The following AMN1 variants were observed in gnomAD, a reference collection of about 807,000 sequenced individuals.
AMN1 encodes the protein protein AMN1 homolog.
A neutral mutation model predicts 33.0 loss-of-function variants in AMN1; 20 were observed. That is an observed-to-expected ratio of 0.61 (90% CI 0.43 to 0.88). The LOEUF is 0.88. Among genes scored for constraint, AMN1 ranks in the 40% least tolerant of loss-of-function variants. The pLI, the probability that AMN1 is intolerant of heterozygous loss-of-function variation, is 0.00. For missense variants in AMN1, 246 were observed against 307.4 expected, an observed-to-expected ratio of 0.80 and a Z score of 1.49; for synonymous variants, 114 against 111.9, an observed-to-expected ratio of 1.02 and a Z score of -0.12.
intron 2 of AMN1, 117 bp downstream of exon 2, chr12:31,709,173 TAAA>T (rs371429545): frequency 6.4e-6 from 6 of 931,294 alleles, no homozygotes; most frequent in South Asian, 1.7e-5. Context: ...TGACCCTGTA[TAAA>T]AAAAAAAAAA....
intron 1 of AMN1, among the ~76,000 whole-genome samples, chr12:31,717,809 C>A (rs1398018946): frequency 6.6e-6 from 1 of 151,950 alleles, no homozygotes; most frequent in African/African-American, 2.4e-5. Flanking sequence ...CCCTATCAAC[C>A]TGTCATCTAG....
intron 3 of AMN1, 136 bp downstream of exon 3, chr12:31,701,727 T>C: frequency 1.3e-6 from 1 of 765,974 alleles, no homozygotes; most frequent in Non-Finnish European, 1.9e-6. Context: ...TTAGTCTGAA[T>C]GTTTTTACTG....
intron 6 of AMN1, among the ~76,000 whole-genome samples, chr12:31,685,035 T>G (rs536293869): frequency 2.0e-5 from 3 of 151,454 alleles, no homozygotes; most frequent in African/African-American, 7.3e-5. Flanking sequence ...ATTATTATTT[T>G]TTTTTTTTTG....
chr12:31,709,173 T>TAAAA, intron 2 of AMN1, 120 bp downstream of exon 2: 1 of 930,892 alleles, frequency 1.1e-6, no homozygotes, highest in Non-Finnish European at 1.5e-6. Flanking sequence ...TGACCCTGTA[T>TAAAA]AAAAAAAAAA....
At chr12:31,674,307 C>T (rs1223115638) in intron 6 of AMN1, among the ~76,000 whole-genome samples, 1 of 151,808 alleles carries the variant, frequency 6.6e-6, no homozygotes, top group African/African-American at 2.4e-5. Context: ...ACCTGGGAGG[C>T]TGAGGTGGGA....
chr12:31,696,966 C>T (rs1731100307), intron 5 of AMN1, among the ~76,000 whole-genome samples: 1 of 151,370 alleles, frequency 6.6e-6, no homozygotes, highest in African/African-American at 2.4e-5. Flanking sequence ...ATGTGGCTAT[C>T]AAGAAAAATA....
At chr12:31,714,799 A>G in intron 1 of AMN1, 1 of 432,010 alleles carries the variant, frequency 2.3e-6, no homozygotes, top group Non-Finnish European at 3.1e-6. Flanking sequence ...ACTTTGCAGT[A>G]ATGTGTATGC....
At chr12:31,678,368 G>A (rs1400083100) in intron 6 of AMN1, among the ~76,000 whole-genome samples, 1 of 150,012 alleles carries the variant, frequency 6.7e-6, no homozygotes, top group African/African-American at 2.5e-5. Context: ...ACACCAAGAA[G>A]AAGAAGAAAC....
intron 1 of AMN1, 116 bp from the exon 2 acceptor site, chr12:31,709,541 G>C: frequency 7.7e-7 from 1 of 1,297,460 alleles, no homozygotes; most frequent in Non-Finnish European, 1.0e-6. Flanking sequence ...CATTTTGGCT[G>C]GGTGTGGTGG....
chr12:31,700,891 A>G (rs1016702467), intron 3 of AMN1, among the ~76,000 whole-genome samples: 2 of 151,614 alleles, frequency 1.3e-5, no homozygotes, highest in Non-Finnish European at 2.9e-5. Flanking sequence ...GGGTTTCACC[A>G]TGTTAGCCAG....
intron 2 of AMN1, 98 bp downstream of exon 2, chr12:31,709,195 G>A: frequency 7.6e-7 from 1 of 1,322,162 alleles, no homozygotes; most frequent in Non-Finnish European, 1.1e-6. Context: ...AATTAAAAAT[G>A]ATTACCAGTC....
At chr12:31,707,941 T>C (rs1210407336) in intron 2 of AMN1, among the ~76,000 whole-genome samples, 1 of 152,212 alleles carries the variant, frequency 6.6e-6, no homozygotes, top group Non-Finnish European at 1.5e-5. Context: ...TGCCTGTCTT[T>C]ATTTTAATCT....
chr12:31,707,815 C>A (rs749950496), intron 2 of AMN1, among the ~76,000 whole-genome samples: 1 of 152,086 alleles, frequency 6.6e-6, no homozygotes, highest in South Asian at 2.1e-4. Flanking sequence ...TTACATGTTG[C>A]GGGAAGTCAG....
intron 6 of AMN1, among the ~76,000 whole-genome samples, chr12:31,686,220 T>C (rs1297741346): frequency 6.6e-6 from 1 of 152,038 alleles, no homozygotes; most frequent in African/African-American, 2.4e-5. Context: ...CTGAGCCAGG[T>C]GGATCACCTG....
At chr12:31,686,971 T>G (rs914992451) in intron 6 of AMN1, among the ~76,000 whole-genome samples, 16 of 152,186 alleles carry the variant, frequency 1.1e-4, no homozygotes, top group Non-Finnish European at 2.2e-4. Context: ...TTCACAACTT[T>G]CTGTGCAGCT....
chr12:31,697,622 A>T (rs1344865965), intron 4 of AMN1, 118 bp downstream of exon 4: 2 of 1,160,962 alleles, frequency 1.7e-6, no homozygotes, highest in Admixed American at 4.3e-5. Flanking sequence ...AAAAAGCATG[A>T]AGTGGTCAAT....
intron 1 of AMN1, among the ~76,000 whole-genome samples, chr12:31,717,193 C>T (rs1029262044): frequency 1.3e-5 from 2 of 152,010 alleles, no homozygotes; most frequent in Non-Finnish European, 2.9e-5. Context: ...TTATGACATG[C>T]GGTGTTTGGT....
At chr12:31,726,690 TCTTA>T (rs1448260820) in intron 1 of AMN1, among the ~76,000 whole-genome samples, 2 of 152,226 alleles carry the variant, frequency 1.3e-5, no homozygotes, top group Admixed American at 1.3e-4. Flanking sequence ...GGCTCAAGCT[TCTTA>T]CTTTGTTACA....
intron 6 of AMN1, among the ~76,000 whole-genome samples, chr12:31,678,933 G>C (rs1489320261): frequency 6.6e-6 from 1 of 151,952 alleles, no homozygotes; most frequent in Admixed American, 6.6e-5. Flanking sequence ...AGACAAATAT[G>C]AAATAAAAAA....
Sources: allele counts gnomAD v4.1 joint callset (sites outside exome capture counted in the v4.1 genomes callset), GRCh38; gene constraint gnomAD v4.1.1; transcripts MANE v1.5; gene names NCBI Gene and HGNC (gene_info 2026-07-23, HGNC 2026-07-21).